AQR: variants seen among roughly 807,000 people sequenced by gnomAD.
AQR encodes the protein RNA helicase aquarius.
In AQR, 61 loss-of-function variants were observed where a neutral mutation model predicts 180.5. That is an observed-to-expected ratio of 0.34 (90% confidence interval 0.28 to 0.42). The LOEUF (loss-of-function observed/expected upper bound fraction) is 0.42. Among genes scored for constraint, AQR ranks in the 10% least tolerant of loss-of-function variants. The probability of loss-of-function intolerance (pLI) is 1.00; values close to 1 mark genes in which losing one functional copy is unlikely to be tolerated. For synonymous variants in AQR, 551 were observed against 588.8 expected (o/e 0.94, Z 0.93); for missense variants, 1,281 against 1,798.3 (o/e 0.71, Z 5.20).
intron 27 of AQR, among the ~76,000 whole-genome samples, chr15:34,877,814 T>C (rs1286784006): frequency 6.6e-6 from 1 of 152,144 alleles, no homozygotes; most frequent in Non-Finnish European, 1.5e-5. Flanking sequence ...TACCAACATA[T>C]TACATGTTGG....
rs1266592583 is a variant in AQR at position 34,853,271 on chromosome 15, T to G, written c.*3521A>C. ...TTTTTTTTTTTTTAACTTTATCTTG[T>G]TTTGATTGAAGAAACATCTCTAAAA... On this transcript the variant is annotated 3_prime_UTR_variant, in exon 35 of 35. Transcript: ENST00000156471. 6.6e-6 allele frequency: 1 copy of G among 151,878 alleles called. No individual in the cohort carries two copies. Among genetic ancestry groups the G allele is most frequent in the Non-Finnish European group, 1.5e-5 (1 of 67,992 alleles). The allele number at this position is 151,878 out of a possible 1,614,324, so 9.4% of individuals were successfully genotyped here. A position where few individuals can be genotyped will look rare whatever the true frequency, so the allele number is the denominator to read the frequency against.
chr15:34,882,455 C>T (rs957996889), intron 27 of AQR, 47 bp downstream of exon 27: 2 of 1,328,608 alleles, frequency 1.5e-6, no homozygotes, highest in Non-Finnish European at 1.9e-6. Context: ...GAGCCAATCT[C>T]TGATAATCTT....
intron 23 of AQR, 84 bp from the exon 24 acceptor site, chr15:34,890,408 A>G: frequency 8.7e-7 from 1 of 1,150,198 alleles, no homozygotes; most frequent in Non-Finnish European, 1.3e-6. Flanking sequence ...TGAAACACAG[A>G]AGGAAATCAG....
chr15:34,958,980 GATATAGAT>G (rs1289571264), intron 3 of AQR, among the ~76,000 whole-genome samples: 4 of 2,684 alleles, frequency 1.5e-3, no homozygotes, highest in African/African-American at 2.2e-3. Context: ...TAGATATATA[GATATAGAT>G]ATAGATATAG....
At chr15:34,884,790 T>C (rs1893032986) in intron 25 of AQR, 56 bp from the exon 26 acceptor site, 5 of 1,299,326 alleles carry the variant, frequency 3.8e-6, no homozygotes, top group Non-Finnish European at 5.4e-6. Context: ...TTTTAAAGCA[T>C]AAAATGAATA....
chr15:34,875,939 A>G lies in AQR; in HGVS notation c.3233T>C (p.Leu1078Pro). The change falls in exon 28 of 35, where the codon CTA (leucine) becomes CCA (proline). Residue 1078 changes from leucine to proline, a missense_variant. Leu to Pro is a moderately conservative substitution (Grantham distance 98). This residue lies in a region of AQR where 197 missense variants were observed against 320.7 expected (regional missense o/e 0.61). Transcript: ENST00000156471. ...LEIETFIPLL[L>P]QNPQDGFSRL... is the part of the protein sequence containing the mutation. Reference sequence around the variant, plus strand: ...CTCAGATCTTATATTTCTTACCTGTAGAAGAAGAGGGATAAAAGTTTCTAT... The same window carrying G: ...CTCAGATCTTATATTTCTTACCTGTGGAAGAAGAGGGATAAAAGTTTCTAT... 1.2e-6 allele frequency: 2 copies of G among 1,605,926 alleles called. No homozygotes were observed. Among genetic ancestry groups the G allele is most frequent in the Non-Finnish European group, 1.7e-6 (2 of 1,173,094 alleles).
In AQR at chr15:34,855,277, T is replaced by C. The variant is rs960963964; in HGVS notation, c.*1515A>G. On this transcript the variant is annotated 3_prime_UTR_variant, in exon 35 of 35. Transcript: ENST00000156471. ...CAAAAATATAACTGACTTGACTTTC[T>C]GGGTTTAATTTCCCTATGAAGCAAT... The C allele has an allele frequency of 6.6e-6, 1 of 152,262 alleles. No individual in the cohort carries two copies. The highest frequency in any genetic ancestry group is 2.4e-5 in the African/African-American group (1 of 41,460). The allele number at this position is 152,262 out of a possible 1,614,324, so 9.4% of individuals were successfully genotyped here.
chr15:34,903,411 AGGGGAG>A (rs1893363375), intron 19 of AQR, among the ~76,000 whole-genome samples: 1 of 149,590 alleles, frequency 6.7e-6, no homozygotes, highest in African/African-American at 2.6e-5. Flanking sequence ...GACATGTGTA[AGGGGAG>A]GAATAGACAA....
intron 6 of AQR, chr15:34,943,469 A>T (rs1266153588): frequency 2.0e-6 from 1 of 505,282 alleles, no homozygotes; most frequent in Admixed American, 3.9e-5. Context: ...ATAAATAAAT[A>T]AATAAATAAA....
At chr15:34,866,367 T>G (rs4924309) in intron 32 of AQR, among the ~76,000 whole-genome samples, 68,365 of 151,998 alleles carry the variant, frequency 0.45, 18,557 homozygotes, top group Non-Finnish European at 0.61. Context: ...AAATTTAAGT[T>G]ATTGGGATAA....
At chr15:34,903,268 C>A (rs1294776963) in intron 19 of AQR, among the ~76,000 whole-genome samples, 1 of 152,114 alleles carries the variant, frequency 6.6e-6, no homozygotes, top group Non-Finnish European at 1.5e-5. Context: ...CACCAGAAGA[C>A]AGATAATGAG....
At chr15:34,941,497 G>C (rs1595804981) in intron 7 of AQR, among the ~76,000 whole-genome samples, 1 of 152,142 alleles carries the variant, frequency 6.6e-6, no homozygotes, top group African/African-American at 2.4e-5. Context: ...CTGCATATCT[G>C]AGTATATGCA....
At chr15:34,964,986 A>G (rs2050302984) in intron 1 of AQR, among the ~76,000 whole-genome samples, 1 of 152,192 alleles carries the variant, frequency 6.6e-6, no homozygotes, top group Admixed American at 6.5e-5. Context: ...GACTCAATAT[A>G]TTTATAAAAA....
intron 17 of AQR, among the ~76,000 whole-genome samples, chr15:34,908,687 G>C (rs1178847786): frequency 2.0e-5 from 3 of 152,152 alleles, no homozygotes; most frequent in African/African-American, 7.2e-5. Context: ...AAAAAAGACT[G>C]TCTCATGTCC....
intron 10 of AQR, 66 bp from the exon 11 acceptor site, chr15:34,932,500 G>A: frequency 8.6e-7 from 1 of 1,168,110 alleles, no homozygotes. Flanking sequence ...GTGAAATCTA[G>A]TGATATTTAA....
chr15:34,930,429 T>A, intron 11 of AQR, 58 bp from the exon 12 acceptor site: 1 of 978,478 alleles, frequency 1.0e-6, no homozygotes. Flanking sequence ...GAAAGCACAA[T>A]ACTGTTTAAA....
intron 32 of AQR, among the ~76,000 whole-genome samples, chr15:34,863,727 T>C (rs1892703132): frequency 6.6e-6 from 1 of 152,334 alleles, no homozygotes; most frequent in Non-Finnish European, 1.5e-5. Context: ...GGCTATCTGA[T>C]GAATGATGTC....
intron 16 of AQR, among the ~76,000 whole-genome samples, chr15:34,911,042 T>C (rs1436061457): frequency 6.6e-6 from 1 of 152,236 alleles, no homozygotes; most frequent in Non-Finnish European, 1.5e-5. Flanking sequence ...TTTGTCTATC[T>C]GTATCTGGCT....
intron 24 of AQR, among the ~76,000 whole-genome samples, chr15:34,889,055 G>A (rs549368682): frequency 5.5e-4 from 84 of 151,998 alleles, no homozygotes; most frequent in Non-Finnish European, 1.0e-3. Flanking sequence ...CCATAAATTC[G>A]ACTTCAATAT....
Sources: gnomAD v4.1 joint callset for allele counts (sites outside exome capture counted in the v4.1 genomes callset) on GRCh38, gnomAD v4.1.1 for gene constraint, gnomAD v4.1.1 regional missense constraint, MANE v1.5 for transcripts, NCBI Gene and HGNC (gene_info 2026-07-23, HGNC 2026-07-21) for gene names.